Variants in NELL1 observed in about 807,000 individuals in gnomAD.
NELL1 encodes protein kinase C-binding protein NELL1.
Under a neutral mutation model 107.4 loss-of-function variants are expected in NELL1, and 76 were observed. The observed-to-expected ratio is 0.71, with a 90% CI of 0.59 to 0.86. The LOEUF (loss-of-function observed/expected upper bound fraction) is 0.86, where lower values mean the gene tolerates loss of function less well. NELL1 is among the 40% of genes least tolerant of loss of function. NELL1 has a pLI of 0.00. For missense variants in NELL1, 1,024 were observed against 1,005.5 expected, an observed-to-expected ratio of 1.02 and a Z score of -0.25; for synonymous variants, 353 against 341.2, an observed-to-expected ratio of 1.03 and a Z score of -0.38.
intron 13 of NELL1, among the ~76,000 whole-genome samples, chr11:21,122,368 A>G (rs1298843480): frequency 6.6e-6 from 1 of 152,188 alleles, no homozygotes; most frequent in Non-Finnish European, 1.5e-5. Context: ...CACTCTATCC[A>G]CATTCAGGTC....
intron 2 of NELL1, among the ~76,000 whole-genome samples, chr11:20,694,346 G>A (rs1854555990): frequency 6.6e-6 from 1 of 151,970 alleles, no homozygotes; most frequent in Non-Finnish European, 1.5e-5. Context: ...TGTCAAAGCT[G>A]TTGTCCAGAA....
At chr11:21,066,274 A>G (rs1853867945) in intron 12 of NELL1, among the ~76,000 whole-genome samples, 1 of 152,176 alleles carries the variant, frequency 6.6e-6, no homozygotes, top group Admixed American at 6.5e-5. Context: ...AAATCTTAAC[A>G]GTCAGCACTG....
intron 12 of NELL1, among the ~76,000 whole-genome samples, chr11:21,046,147 C>A (rs1289016500): frequency 6.6e-6 from 1 of 151,978 alleles, no homozygotes; most frequent in Non-Finnish European, 1.5e-5. Context: ...AGGTATAGAC[C>A]AATTTTTAAA....
intron 2 of NELL1, among the ~76,000 whole-genome samples, chr11:20,755,801 C>A (rs1387728226): frequency 2.0e-5 from 3 of 150,540 alleles, no homozygotes; most frequent in Non-Finnish European, 2.9e-5. Flanking sequence ...GGTGATCCAC[C>A]CACCTTGGCA....
At chr11:21,095,728 A>G (rs1854626405) in intron 12 of NELL1, among the ~76,000 whole-genome samples, 1 of 152,090 alleles carries the variant, frequency 6.6e-6, no homozygotes, top group South Asian at 2.1e-4. Flanking sequence ...CTCCTGCCTC[A>G]GCCTCCCAAG....
chr11:21,255,128 C>G (rs1205709893), intron 14 of NELL1, among the ~76,000 whole-genome samples: 2 of 151,966 alleles, frequency 1.3e-5, no homozygotes. Flanking sequence ...TATCCTTAAC[C>G]CTGGGTGGAG....
chr11:21,006,130 G>A (rs1210980911), intron 12 of NELL1, among the ~76,000 whole-genome samples: 2 of 151,974 alleles, frequency 1.3e-5, no homozygotes, highest in African/African-American at 4.8e-5. Context: ...TGAATGTGTG[G>A]GTCTGCTATG....
intron 2 of NELL1, among the ~76,000 whole-genome samples, chr11:20,756,746 C>T (rs896564132): frequency 3.3e-5 from 5 of 151,938 alleles, no homozygotes; most frequent in African/African-American, 1.2e-4. Context: ...CCGGTAGGTT[C>T]CCCCAGATGT....
intron 12 of NELL1, among the ~76,000 whole-genome samples, chr11:21,008,865 G>A (rs774824935): frequency 1.3e-5 from 2 of 152,104 alleles, no homozygotes; most frequent in Non-Finnish European, 2.9e-5. Flanking sequence ...GTAAGGGAAA[G>A]TAGAATTTAA....
intron 13 of NELL1, among the ~76,000 whole-genome samples, chr11:21,142,235 G>A (rs1203314081): frequency 6.6e-6 from 1 of 152,160 alleles, no homozygotes; most frequent in Non-Finnish European, 1.5e-5. Flanking sequence ...GAGCCTTTCT[G>A]CTCCTCTCAA....
At chr11:20,959,080 A>G (rs1007686542) in intron 11 of NELL1, among the ~76,000 whole-genome samples, 5 of 152,212 alleles carry the variant, frequency 3.3e-5, no homozygotes, top group African/African-American at 1.2e-4. Flanking sequence ...TAATATTCTA[A>G]ATCCTTTGTT....
intron 3 of NELL1, among the ~76,000 whole-genome samples, chr11:20,838,050 C>A (rs1848564837): frequency 6.6e-6 from 1 of 151,772 alleles, no homozygotes; most frequent in Non-Finnish European, 1.5e-5. Flanking sequence ...CAACACTTAG[C>A]CAGGGAGATG....
intron 15 of NELL1, among the ~76,000 whole-genome samples, chr11:21,401,307 A>G (rs1469745274): frequency 6.6e-6 from 1 of 151,896 alleles, no homozygotes; most frequent in African/African-American, 2.4e-5. Context: ...AAAGCTATCC[A>G]GGTACAATGT....
At chr11:21,337,828 CTTTCTTTCT>C (rs199690708) in intron 14 of NELL1, among the ~76,000 whole-genome samples, 13,313 of 40,086 alleles carry the variant, frequency 0.33, 989 homozygotes, top group East Asian at 0.39. Context: ...TTCTTTCTTT[CTTTCTTTCT>C]TTTCTTTCTT....
At chr11:20,843,471 T>G (rs1390496120) in intron 3 of NELL1, among the ~76,000 whole-genome samples, 2 of 151,702 alleles carry the variant, frequency 1.3e-5, no homozygotes, top group Non-Finnish European at 2.9e-5. Flanking sequence ...AAAATTAACT[T>G]TTACTGTTTT....
intron 15 of NELL1, among the ~76,000 whole-genome samples, chr11:21,463,356 T>C (rs1268928264): frequency 6.6e-6 from 1 of 152,120 alleles, no homozygotes; most frequent in African/African-American, 2.4e-5. Flanking sequence ...TTCGACCATA[T>C]TGAACTATAG....
chr11:21,464,321 C>T (rs11026098), intron 15 of NELL1, among the ~76,000 whole-genome samples: 52,515 of 150,382 alleles, frequency 0.35, 10,063 homozygotes, highest in East Asian at 0.43. Context: ...TAACAGGTCC[C>T]AATATGTTTC....
intron 13 of NELL1, among the ~76,000 whole-genome samples, chr11:21,190,823 T>A (rs1857033921): frequency 6.6e-6 from 1 of 151,908 alleles, no homozygotes; most frequent in Non-Finnish European, 1.5e-5. Context: ...AGAAAGAGAT[T>A]ATAGCCCAAT....
At chr11:20,929,015 A>G (rs2134174038) in intron 9 of NELL1, among the ~76,000 whole-genome samples, 1 of 152,322 alleles carries the variant, frequency 6.6e-6, no homozygotes, top group South Asian at 2.1e-4. Context: ...CTTTAAATCT[A>G]CTAGCTTAGT....
Sources: gnomAD v4.1 joint callset for allele counts (sites outside exome capture counted in the v4.1 genomes callset) on GRCh38, gnomAD v4.1.1 for gene constraint, MANE v1.5 for transcripts, NCBI Gene and HGNC (gene_info 2026-07-23, HGNC 2026-07-21) for gene names.